Variants in ATP13A5 observed in about 807,000 individuals in gnomAD.
The protein encoded by ATP13A5 is ATPase 13A5, also known as probable cation-transporting ATPase 13A5.
Under a neutral mutation model 150.2 loss-of-function variants are expected in ATP13A5, and 149 were observed. The observed-to-expected ratio is 0.99, with a 90% confidence interval of 0.87 to 1.14. The LOEUF (loss-of-function observed/expected upper bound fraction) is 1.14, where lower values mean the gene tolerates loss of function less well. Among genes scored for constraint, ATP13A5 ranks in the 50% most tolerant of loss-of-function variants. The pLI, the probability that ATP13A5 is intolerant of heterozygous loss-of-function variation, is 0.00. For synonymous variants in ATP13A5, 497 were observed against 522.2 expected (o/e 0.95, Z 0.66); for missense variants, 1,383 against 1,449.3 (o/e 0.95, Z 0.74).
At chr3:193,331,043 C>G in intron 12 of ATP13A5, 80 bp downstream of exon 12, 1 of 1,424,352 alleles carries the variant, frequency 7.0e-7, no homozygotes, top group Non-Finnish European at 9.7e-7. Flanking sequence ...GAACACTGGA[C>G]TAGACATTTT....
intron 17 of ATP13A5, among the ~76,000 whole-genome samples, chr3:193,317,460 A>G (rs1719092521): frequency 6.6e-6 from 1 of 152,220 alleles, no homozygotes; most frequent in Non-Finnish European, 1.5e-5. Context: ...TCTGACATAC[A>G]GTTAAGTTCA....
chr3:193,346,068 C>T (rs1293619062), intron 7 of ATP13A5, among the ~76,000 whole-genome samples: 1 of 152,050 alleles, frequency 6.6e-6, no homozygotes, highest in Non-Finnish European at 1.5e-5. Context: ...TGTGCTACTG[C>T]TTATGAGTTA....
intron 26 of ATP13A5, among the ~76,000 whole-genome samples, chr3:193,287,191 A>G (rs1204204762): frequency 6.6e-6 from 1 of 152,176 alleles, no homozygotes; most frequent in East Asian, 1.9e-4. Flanking sequence ...AAGGTAAAAC[A>G]GCAAGTCTTG....
chr3:193,283,028 G>T (rs576363965), intron 27 of ATP13A5, among the ~76,000 whole-genome samples: 2 of 152,072 alleles, frequency 1.3e-5, no homozygotes, highest in East Asian at 3.9e-4. Context: ...ATCAAGAATA[G>T]ACTGATATTT....
At chr3:193,338,396 A>T (rs1711977748) in intron 9 of ATP13A5, among the ~76,000 whole-genome samples, 1 of 152,130 alleles carries the variant, frequency 6.6e-6, no homozygotes, top group Non-Finnish European at 1.5e-5. Context: ...TATTATTTTG[A>T]GGTACGTCCC....
chr3:193,323,302 C>T (rs935958920), intron 14 of ATP13A5: 1 of 152,164 alleles, frequency 6.6e-6, no homozygotes, highest in African/African-American at 2.4e-5. Flanking sequence ...AAATTCTTGA[C>T]AGTCTAAAAG....
At chr3:193,335,478 C>T (rs1711818471) in intron 9 of ATP13A5, among the ~76,000 whole-genome samples, 1 of 152,160 alleles carries the variant, frequency 6.6e-6, no homozygotes, top group Non-Finnish European at 1.5e-5. Flanking sequence ...TTTGCATTCA[C>T]TCATTTATTC....
intron 9 of ATP13A5, 97 bp from the exon 10 acceptor site, chr3:193,335,196 A>C (rs1443842814): frequency 2.0e-5 from 23 of 1,142,742 alleles, no homozygotes; most frequent in Non-Finnish European, 2.9e-5. Flanking sequence ...ACCACAACTA[A>C]TCCGGTCTTA....
At chr3:193,291,916 CA>C (rs1369487699) in intron 25 of ATP13A5, among the ~76,000 whole-genome samples, 1 of 152,080 alleles carries the variant, frequency 6.6e-6, no homozygotes, top group Non-Finnish European at 1.5e-5. Context: ...AAACTGCAAT[CA>C]TAAGTATAAC....
chr3:193,299,495 T>C (rs1173973214), intron 24 of ATP13A5, among the ~76,000 whole-genome samples: 4 of 152,182 alleles, frequency 2.6e-5, no homozygotes, highest in Admixed American at 1.3e-4. Context: ...GCCTAGGCAG[T>C]TGAATTCTCA....
At chr3:193,275,681 G>A (rs545181155) in intron 29 of ATP13A5, among the ~76,000 whole-genome samples, 3 of 152,272 alleles carry the variant, frequency 2.0e-5, no homozygotes, top group East Asian at 1.9e-4. Flanking sequence ...GTGTCTAAGC[G>A]TTTGTTGAAT....
At position 193,275,199 on chromosome 3, in the gene ATP13A5, T is replaced by C; in HGVS notation, c.3500A>G (p.Asp1167Gly). 2 of 1,614,202 alleles carry C rather than the reference T, an allele frequency of 1.2e-6. No individual in the cohort carries two copies. Among genetic ancestry groups the C allele is most frequent in the Non-Finnish European group, 8.5e-7 (1 of 1,180,048 alleles). ...YRTWQKKLAE[D>G]STWPPINRTD... The stretch of plus-strand genomic sequence containing the variant: ...CCTGTTTATGGGAGGCCAGGTTGAG[T>C]CTTCTGCTAGCTTCTTTTGCCAAGT... Residue 1167 changes from aspartate (D) to glycine (G), a missense_variant, in exon 30 of 30, where the codon GAC (aspartate) becomes GGC (glycine). By Grantham distance (94) the Asp-to-Gly change is moderately conservative (BLOSUM62 -1). Transcript: ENST00000342358.
chr3:193,345,860 C>T (rs1279871102), intron 7 of ATP13A5, among the ~76,000 whole-genome samples: 2 of 152,144 alleles, frequency 1.3e-5, no homozygotes, highest in Non-Finnish European at 2.9e-5. Flanking sequence ...TTACTTCCCT[C>T]TCTATGCCTC....
At chr3:193,318,703 G>A (rs753103224) in intron 17 of ATP13A5, among the ~76,000 whole-genome samples, 2 of 152,176 alleles carry the variant, frequency 1.3e-5, no homozygotes, top group East Asian at 1.9e-4. Context: ...TGAGAGCTGC[G>A]ACTAAAGTTG....
chr3:193,363,432 G>T (rs765267481), intron 2 of ATP13A5, 50 bp from the exon 3 acceptor site: 1 of 1,553,994 alleles, frequency 6.4e-7, no homozygotes, highest in Non-Finnish European at 8.8e-7. Flanking sequence ...ATTCAGTAAG[G>T]TGCTCAATCA....
At chr3:193,354,735 CA>C (rs149730153) in intron 5 of ATP13A5, among the ~76,000 whole-genome samples, 2,435 of 152,088 alleles carry the variant, frequency 0.016, 80 homozygotes, top group African/African-American at 0.055. Context: ...ATATTATACA[CA>C]AGGTGTAATA....
chr3:193,378,627 C>A lies in ATP13A5; in HGVS notation c.63+36G>T, dbSNP rs762062685. 4 of 1,591,330 alleles carry A rather than the reference C, an allele frequency of 2.5e-6. No homozygotes were observed. The East Asian group carries it at 8.9e-5, about 36-fold the overall frequency. On this transcript the variant is annotated intron_variant, in intron 1 of 29. Coordinates refer to ENST00000342358, the MANE Select transcript of ATP13A5 (RefSeq NM_198505.4). ...TAGCCCATACTCACCGCCTTGGGCT[C>A]TTTGAGAAGACTAATAAAATAAAGG...
rs1418799595 is a variant in ATP13A5 at position 193,322,569 on chromosome 3, C to A, written c.1680G>T (p.Met560Ile). ...TGCAGGAGTCTACAATGCAATCTTCCATTTTCTGTTATAAAATGAAAACAT... is the reference window on the plus strand; with the variant it reads ...TGCAGGAGTCTACAATGCAATCTTCAATTTTCTGTTATAAAATGAAAACAT... ...LKMFEGTAWK[M>I]EDCIVDSCKF... The change falls in exon 15 of 30, where the codon ATG (methionine) becomes ATT (isoleucine). Residue 560 changes from methionine to isoleucine, a missense_variant. Met to Ile is a conservative substitution (Grantham distance 10, BLOSUM62 1). Coordinates refer to ENST00000342358, the MANE Select transcript of ATP13A5 (RefSeq NM_198505.4). 1 of 1,606,580 alleles carries A rather than the reference C, an allele frequency of 6.2e-7. No individual in the cohort carries two copies. Among genetic ancestry groups the A allele is most frequent in the Non-Finnish European group, 8.5e-7 (1 of 1,174,802 alleles).
chr3:193,284,561 T>TTAA (rs1717638909), intron 27 of ATP13A5, among the ~76,000 whole-genome samples: 1 of 152,174 alleles, frequency 6.6e-6, no homozygotes, highest in Non-Finnish European at 1.5e-5. Context: ...CATAGAATGG[T>TTAA]TAAAGTAACT....
Sources: allele counts gnomAD v4.1 joint callset (sites outside exome capture counted in the v4.1 genomes callset), GRCh38; gene constraint gnomAD v4.1.1; transcripts MANE v1.5; gene names NCBI Gene and HGNC (gene_info 2026-07-23, HGNC 2026-07-21).